TNNI1: variants seen among roughly 807,000 people sequenced by gnomAD.
TNNI1 encodes troponin I1, slow skeletal type.
TNNI1 carries 14 observed loss-of-function variants against 26.7 expected under a neutral mutation model. The ratio of observed to expected loss-of-function variants is 0.52; its 90% CI spans 0.35 to 0.82. TNNI1 has a LOEUF of 0.82. Ranked by LOEUF, TNNI1 falls within the 40% of genes least tolerant of loss-of-function variation. The pLI is 0.01. For synonymous variants in TNNI1, 79 were observed against 98.2 expected (o/e 0.80, Z 1.16); for missense variants, 164 against 257.0 (o/e 0.64, Z 2.47).
Position 201,419,898 on chromosome 1 carries a change from A to T in TNNI1, c.-20+1775T>A, listed in dbSNP as rs567758188. Among the ~76,000 whole-genome samples the T allele has an allele frequency of 6.7e-4, 102 of 152,254 alleles. 1 individual carries two copies. The highest frequency in any genetic ancestry group is 2.3e-3 in the African/African-American group (95 of 41,562). ...TGAATTCCTGAGATGCTTGGCTGGT[A>T]TTAGATTTTATGGGCAGCTGCTTAT... is the stretch of plus-strand genomic sequence containing the variant. On this transcript the variant is annotated intron_variant, in intron 1 of 8. Coordinates refer to ENST00000361379, the MANE Select transcript of TNNI1 (RefSeq NM_003281.4).
Position 201,414,665 on chromosome 1 carries a change from C to T in TNNI1, c.58-16G>A, listed in dbSNP as rs1662703589. 5 of 1,609,452 alleles carry T rather than the reference C, an allele frequency of 3.1e-6. No homozygotes were observed. The African/African-American group carries it at 5.3e-5, about 17-fold the overall frequency. On this transcript the variant is annotated splice_polypyrimidine_tract_variant and intron_variant, in intron 4 of 8. Transcript: ENST00000361379. ...GCATCAGGCTCTGGACAGGACACAC[C>T]TGCTGAGCTGGGGGCCTCACATCTC...
At position 201,404,641 on chromosome 1, in the gene TNNI1, G is replaced by A. The variant is rs996480412; in HGVS notation, c.*4612C>T. The A allele has an allele frequency of 1.5e-4, 23 of 152,322 alleles. No individual in the cohort carries two copies. Among genetic ancestry groups the A allele is most frequent in the African/African-American group, 5.3e-4 (22 of 41,572 alleles). 9.4% of individuals were successfully genotyped at this position (152,322 alleles called of 1,614,324 possible). ...CATGCTTTTAGATCAGAGGAAGGTCGTTTCCACTGAATACATTTAGCTTTA... is the reference window on the plus strand; with the variant it reads ...CATGCTTTTAGATCAGAGGAAGGTCATTTCCACTGAATACATTTAGCTTTA... On this transcript the variant is annotated 3_prime_UTR_variant, in exon 9 of 9. Transcript: ENST00000361379.
rs989768525 is a variant in TNNI1 at position 201,417,930 on chromosome 1, C to T, written c.-19-118G>A. 7 of 721,948 alleles carry T rather than the reference C, an allele frequency of 9.7e-6. No individual in the cohort carries two copies. In the South Asian group the frequency reaches 5.1e-4, roughly 53 times the overall value. The allele number at this position is 721,948 out of a possible 1,614,324, so 44.7% of individuals were successfully genotyped here. A position where few individuals can be genotyped will look rare whatever the true frequency, so the allele number is the denominator to read the frequency against. The stretch of plus-strand genomic sequence containing the variant: ...CAGAACACAAAAGGAAGAAATCAGA[C>T]ACATTGGATTCCAGCAGGTCAAGAT... On this transcript the variant is annotated intron_variant, in intron 1 of 8. Transcript: ENST00000361379.
At chr1:201,414,226 G>A (rs912544825) in intron 5 of TNNI1, among the ~76,000 whole-genome samples, 6 of 152,114 alleles carry the variant, frequency 3.9e-5, no homozygotes, top group African/African-American at 7.2e-5. Flanking sequence ...TCCCAACCCC[G>A]GCCGCCTCCC....
In TNNI1 at chr1:201,414,589, C is replaced by G; in HGVS notation, c.118G>C (p.Glu40Gln). ...WEQEHEEREA[E>Q]KVRYLAERIP... ...CGCTCTGCCAGGTAGCGCACCTTCT[C>G]AGCCTCGCGCTCCTCGTGCTCCTGC... is the stretch of plus-strand genomic sequence containing the variant. Residue 40 changes from glutamate to glutamine, a missense_variant, in exon 5 of 9, where the codon GAG becomes CAG. Glu to Gln is a conservative substitution (Grantham distance 29, BLOSUM62 2). This residue lies in a region of TNNI1 where 117 missense variants were observed against 158.7 expected (regional missense o/e 0.74). Coordinates refer to ENST00000361379, the MANE Select transcript of TNNI1 (RefSeq NM_003281.4). 8 of 1,613,938 alleles carry G rather than the reference C, an allele frequency of 5.0e-6. No individual in the cohort carries two copies. Among genetic ancestry groups the G allele is most frequent in the Non-Finnish European group, 6.8e-6 (8 of 1,180,006 alleles).
At chr1:201,417,212 C>T in intron 2 of TNNI1, 93 bp from the exon 3 acceptor site, 3 of 1,557,420 alleles carry the variant, frequency 1.9e-6, no homozygotes, top group South Asian at 2.2e-5. Flanking sequence ...CAGAACCTCA[C>T]AGACCAGCTT....
intron 1 of TNNI1, among the ~76,000 whole-genome samples, chr1:201,419,054 C>A (rs991345634): frequency 1.3e-5 from 2 of 152,072 alleles, no homozygotes; most frequent in Non-Finnish European, 2.9e-5. Flanking sequence ...ATAATTGATA[C>A]AACAAACCTC....
intron 1 of TNNI1, among the ~76,000 whole-genome samples, chr1:201,418,490 G>A (rs926001422): frequency 3.3e-5 from 5 of 150,796 alleles, no homozygotes; most frequent in African/African-American, 1.2e-4. Context: ...AAAAAAATAA[G>A]TGAGAGTGTA....
Position 201,411,230 on chromosome 1 carries a change from T to A in TNNI1, c.456+127A>T. 2.1e-6 allele frequency: 2 copies of A among 949,238 alleles called. No homozygotes were observed. The highest frequency in any genetic ancestry group is 3.2e-6 in the Non-Finnish European group (2 of 618,470). 58.8% of individuals were successfully genotyped at this position (949,238 alleles called of 1,614,324 possible). On this transcript the variant is annotated intron_variant, in intron 7 of 8. Coordinates refer to ENST00000361379, the MANE Select transcript of TNNI1 (RefSeq NM_003281.4). The surrounding 1 kb of genome is among the most constrained non-coding windows in gnomAD (Gnocchi z 4.6). ...ACTGGTCTCCCAAAGCATTCTAGAATGTTCTGTCTGTCAAGCTGACTGGTC... is the reference window on the plus strand; with the variant it reads ...ACTGGTCTCCCAAAGCATTCTAGAAAGTTCTGTCTGTCAAGCTGACTGGTC...
chr1:201,412,921 G>A, intron 6 of TNNI1, 111 bp downstream of exon 6: 1 of 1,046,360 alleles, frequency 9.6e-7, no homozygotes, highest in Non-Finnish European at 1.5e-6. Flanking sequence ...CTGCTTAAGT[G>A]GCCCCTTCCT....
chr1:201,406,727 TC>T lies in TNNI1; in HGVS notation c.*2525del, dbSNP rs1662522775. On this transcript the variant is annotated 3_prime_UTR_variant, in exon 9 of 9. Coordinates refer to ENST00000361379, the MANE Select transcript of TNNI1 (RefSeq NM_003281.4). The stretch of plus-strand genomic sequence containing the variant: ...TGGCTACAACAGCCCCTTCCATAGA[TC>T]CCTCTCCCACCCCCAAGCTCTCCTT... 1 of 152,350 alleles carries T rather than the reference TC, an allele frequency of 6.6e-6. No homozygotes were observed. Among genetic ancestry groups the T allele is most frequent in the African/African-American group, 2.4e-5 (1 of 41,460 alleles). 9.4% of individuals were successfully genotyped at this position (152,350 alleles called of 1,614,324 possible).
At position 201,413,047 on chromosome 1, in the gene TNNI1, G is replaced by A. The variant is rs1266990868; in HGVS notation, c.264C>T (p.Leu88=). 6.2e-7 allele frequency: 1 copy of A among 1,614,070 alleles called. No individual in the cohort carries two copies. The highest frequency in any genetic ancestry group is 1.7e-5 in the Admixed American group (1 of 60,028). ...EERYDIEAKC[L]HNTREIKDLK... is the part of the protein sequence containing the mutation. ...TTAGACTCACCTCCCTGGTGTTGTG[G>A]AGGCATTTGGCCTCAATGTCGTATC... Residue 88 remains leucine (L), a synonymous_variant, in exon 6 of 9, where the codon CTC becomes CTT. Coordinates refer to ENST00000361379, the MANE Select transcript of TNNI1 (RefSeq NM_003281.4).
At chr1:201,420,518 T>G (rs1662835007) in intron 1 of TNNI1, among the ~76,000 whole-genome samples, 1 of 152,148 alleles carries the variant, frequency 6.6e-6, no homozygotes, top group African/African-American at 2.4e-5. Flanking sequence ...GAAGGGACTA[T>G]CCGCTAGACT....
At chr1:201,414,778 C>A (rs1171956093) in intron 4 of TNNI1, 129 bp from the exon 5 acceptor site, 6 of 1,432,898 alleles carry the variant, frequency 4.2e-6, no homozygotes, top group Non-Finnish European at 4.7e-6. Flanking sequence ...TATGCAGCAG[C>A]CATGGACAGG....
At chr1:201,419,669 C>T (rs954217592) in intron 1 of TNNI1, among the ~76,000 whole-genome samples, 1 of 152,228 alleles carries the variant, frequency 6.6e-6, no homozygotes, top group African/African-American at 2.4e-5. Flanking sequence ...GCCCATGAAG[C>T]ACTATCCCAA....
At position 201,407,032 on chromosome 1, in the gene TNNI1, A is replaced by G. The variant is rs1291035931; in HGVS notation, c.*2221T>C. ...GGCCCAGAGCAGGTCTCCTGCCTTT[A>G]CATGACTGGGTGGATACCCCAATCT... On this transcript the variant is annotated 3_prime_UTR_variant, in exon 9 of 9. Transcript: ENST00000361379. 6.6e-6 allele frequency: 1 copy of G among 152,250 alleles called. No homozygotes were observed. Among genetic ancestry groups the G allele is most frequent in the Non-Finnish European group, 1.5e-5 (1 of 68,062 alleles). The allele number at this position is 152,250 out of a possible 1,614,324, so 9.4% of individuals were successfully genotyped here.
Position 201,411,685 on chromosome 1 carries a change from T to G in TNNI1, c.280-152A>C. ...ACCTATCAGCAGTCACCAACCTTTT[T>G]GTCACCAGGGACCGGTTTTGTGGAA... On this transcript the variant is annotated intron_variant, in intron 6 of 8. Transcript: ENST00000361379. This position sits in a 1 kb window ranked among gnomAD's most constrained non-coding sequence, Gnocchi z 4.6. 1 of 795,702 alleles carries G rather than the reference T, an allele frequency of 1.3e-6. No individual in the cohort carries two copies. The highest frequency in any genetic ancestry group is 1.8e-6 in the Non-Finnish European group (1 of 543,452). The allele number at this position is 795,702 out of a possible 1,614,324, so 49.3% of individuals were successfully genotyped here. A position where few individuals can be genotyped will look rare whatever the true frequency, so the allele number is the denominator to read the frequency against.
intron 1 of TNNI1, among the ~76,000 whole-genome samples, chr1:201,418,505 A>C (rs894458469): frequency 6.6e-6 from 1 of 151,054 alleles, no homozygotes; most frequent in African/African-American, 2.4e-5. Flanking sequence ...AGTGTAGCTC[A>C]CTCATGAGGG....
chr1:201,410,211 C>T, intron 8 of TNNI1, 115 bp downstream of exon 8: 1 of 852,756 alleles, frequency 1.2e-6, no homozygotes, highest in East Asian at 2.6e-5. Flanking sequence ...TCATCGGTGC[C>T]TTAGTCCGTG....
Sources: allele counts gnomAD v4.1 joint callset (sites outside exome capture counted in the v4.1 genomes callset), GRCh38; gene constraint gnomAD v4.1.1; regional missense constraint gnomAD v4.1.1; non-coding constraint Gnocchi (gnomAD v3.1); transcripts MANE v1.5; gene names NCBI Gene and HGNC (gene_info 2026-07-23, HGNC 2026-07-21).